CLNK: variants seen among roughly 807,000 people sequenced by gnomAD.
CLNK encodes cytokine-dependent hematopoietic cell linker.
CLNK carries 74 observed loss-of-function variants against 68.6 expected under a neutral mutation model. That is an observed-to-expected ratio of 1.08 (90% CI 0.89 to 1.31). CLNK has a LOEUF of 1.31. Among genes scored for constraint, CLNK ranks in the 50% most tolerant of loss-of-function variants. CLNK has a pLI of 0.00. For missense variants in CLNK, 553 were observed against 515.3 expected (o/e 1.07, Z -0.71); for synonymous variants, 198 against 172.2 (o/e 1.15, Z -1.17).
At chr4:10,641,307 A>T (rs895678352) in intron 2 of CLNK, among the ~76,000 whole-genome samples, 2 of 152,184 alleles carry the variant, frequency 1.3e-5, no homozygotes, top group African/African-American at 4.8e-5. Context: ...TGGTTGAAGC[A>T]GTAGCCTCAG....
At chr4:10,601,617 G>T (rs1721593109) in intron 2 of CLNK, among the ~76,000 whole-genome samples, 1 of 152,170 alleles carries the variant, frequency 6.6e-6, no homozygotes, top group South Asian at 2.1e-4. Flanking sequence ...TGTTTGTTTT[G>T]CATTGAATTG....
At chr4:10,494,955 G>A (rs1000567155) in intron 18 of CLNK, among the ~76,000 whole-genome samples, 13 of 151,868 alleles carry the variant, frequency 8.6e-5, no homozygotes, top group Non-Finnish European at 2.9e-5. Context: ...ATGAACTGTG[G>A]GCGATGTTTC....
At chr4:10,693,102 C>A in the CLNK span, among the ~76,000 whole-genome samples, 1 of 152,170 alleles carries the variant, frequency 6.6e-6, no homozygotes, top group Non-Finnish European at 1.5e-5. Flanking sequence ...ACCAGCTGGA[C>A]TTGCAAGATA....
intron 2 of CLNK, among the ~76,000 whole-genome samples, chr4:10,661,361 A>C (rs567269125): frequency 6.6e-6 from 1 of 152,360 alleles, no homozygotes; most frequent in East Asian, 1.9e-4. Context: ...ATATGCCTCT[A>C]ATGGGCAAAA....
intron 2 of CLNK, among the ~76,000 whole-genome samples, chr4:10,611,626 G>A (rs1722029808): frequency 6.6e-6 from 1 of 152,128 alleles, no homozygotes. Flanking sequence ...TCTATCTCCT[G>A]GTGCCACACT....
chr4:10,640,080 G>A (rs146150017), intron 2 of CLNK, among the ~76,000 whole-genome samples: 1 of 152,120 alleles, frequency 6.6e-6, no homozygotes, highest in Non-Finnish European at 1.5e-5. Context: ...AACACAATAA[G>A]TATGCTTCTT....
chr4:10,499,279 G>C (rs1442590871), intron 18 of CLNK, among the ~76,000 whole-genome samples: 1 of 152,192 alleles, frequency 6.6e-6, no homozygotes, highest in Non-Finnish European at 1.5e-5. Context: ...AAAGGCTCTC[G>C]TGCCCCTTTG....
the CLNK span, among the ~76,000 whole-genome samples, chr4:10,719,443 G>A: frequency 6.6e-6 from 1 of 151,876 alleles, no homozygotes; most frequent in Non-Finnish European, 1.5e-5. Context: ...AGACATCAGA[G>A]AAAAGAAAAT....
chr4:10,527,944 G>A (rs906342462), intron 13 of CLNK, 132 bp downstream of exon 13: 17 of 413,230 alleles, frequency 4.1e-5, no homozygotes, highest in African/African-American at 6.2e-5. Context: ...TCACGTCATC[G>A]TTCACACACA....
In CLNK at chr4:10,610,607, A is replaced by G. The variant is rs943029562; in HGVS notation, c.12-12558T>C. On this transcript the variant is annotated intron_variant, in intron 2 of 18. Transcript: ENST00000226951. The stretch of plus-strand genomic sequence containing the variant: ...TTTTTTCTCTGTCTCGACTGTCAAG[A>G]GATGTAGCTTTTAATAGACCATCAA... Among the ~76,000 whole-genome samples the G allele has an allele frequency of 3.9e-5, 6 of 152,142 alleles. No homozygotes were observed. The South Asian group carries it at 8.3e-4, about 21-fold the overall frequency.
chr4:10,564,453 C>T (rs955607393), intron 7 of CLNK, among the ~76,000 whole-genome samples: 2 of 152,188 alleles, frequency 1.3e-5, no homozygotes, highest in Admixed American at 1.3e-4. Flanking sequence ...ATCTTCCACA[C>T]ATCTGAATTA....
At chr4:10,724,937 C>G in the CLNK span, among the ~76,000 whole-genome samples, 2 of 152,092 alleles carry the variant, frequency 1.3e-5, no homozygotes, top group Non-Finnish European at 1.5e-5. Flanking sequence ...AATTCAAAGA[C>G]CTAAGAGGGC....
intron 8 of CLNK, among the ~76,000 whole-genome samples, chr4:10,551,268 C>G (rs1368662262): frequency 6.6e-6 from 1 of 151,882 alleles, no homozygotes; most frequent in African/African-American, 2.4e-5. Flanking sequence ...TTTTTGAGAC[C>G]AAGTCTCGCT....
At chr4:10,728,399 T>TGG in the CLNK span, among the ~76,000 whole-genome samples, 1 of 151,448 alleles carries the variant, frequency 6.6e-6, no homozygotes, top group Non-Finnish European at 1.5e-5. Context: ...TGTGTGTGTG[T>TGG]GTGTGTGTGT....
At chr4:10,732,283 G>A in the CLNK span, among the ~76,000 whole-genome samples, 1 of 152,096 alleles carries the variant, frequency 6.6e-6, no homozygotes, top group African/African-American at 2.4e-5. Flanking sequence ...GCTACATCTG[G>A]CACATTACTG....
intron 2 of CLNK, among the ~76,000 whole-genome samples, chr4:10,619,130 T>A (rs1722333856): frequency 6.6e-6 from 1 of 152,218 alleles, no homozygotes; most frequent in Non-Finnish European, 1.5e-5. Flanking sequence ...ACAGTTCCGC[T>A]GAAACTTGGT....
rs576160971 is a variant in CLNK, at chr4:10,562,054, G to A, written c.399+2617C>T. Among the ~76,000 whole-genome samples the A allele has an allele frequency of 5.3e-5, 8 of 151,636 alleles. No homozygotes were observed. In the South Asian group the frequency reaches 6.3e-4, roughly 12 times the overall value. On this transcript the variant is annotated intron_variant, in intron 7 of 18. Coordinates refer to ENST00000226951, the MANE Select transcript of CLNK (RefSeq NM_052964.4). ...TGCTTCAGGCTGGAAGCACAAAGAC[G>A]CATTTCTTGGATCTTATTGAAGATT...
intron 8 of CLNK, among the ~76,000 whole-genome samples, chr4:10,545,953 A>T (rs964037549): frequency 2.0e-5 from 3 of 152,170 alleles, no homozygotes; most frequent in African/African-American, 7.2e-5. Flanking sequence ...GCAGAGTCCC[A>T]GGGTAGCTGT....
At chr4:10,516,471 A>G (rs1370956681) in intron 15 of CLNK, among the ~76,000 whole-genome samples, 1 of 152,176 alleles carries the variant, frequency 6.6e-6, no homozygotes, top group Non-Finnish European at 1.5e-5. Context: ...CAAAAAGCCA[A>G]ATTTATCTCT....
Sources: gnomAD v4.1 joint callset for allele counts (sites outside exome capture counted in the v4.1 genomes callset) on GRCh38, gnomAD v4.1.1 for gene constraint, MANE v1.5 for transcripts, NCBI Gene and HGNC (gene_info 2026-07-23, HGNC 2026-07-21) for gene names.